Variants in GPC5 observed in about 807,000 individuals in gnomAD.
GPC5 encodes the protein glypican 5, also known as glypican-5.
A neutral mutation model predicts 53.9 loss-of-function variants in GPC5; 47 were observed. That is an observed-to-expected ratio of 0.87 (90% confidence interval 0.69 to 1.11). The LOEUF (loss-of-function observed/expected upper bound fraction) is 1.11, where lower values mean the gene tolerates loss of function less well. Ranked by LOEUF, GPC5 falls within the 50% of genes most tolerant of loss-of-function variation. The pLI, the probability that GPC5 is intolerant of heterozygous loss-of-function variation, is 0.00. For synonymous variants in GPC5, 286 were observed against 263.3 expected (o/e 1.09, Z -0.84); for missense variants, 748 against 713.1 (o/e 1.05, Z -0.56).
intron 7 of GPC5, among the ~76,000 whole-genome samples, chr13:92,823,185 C>T (rs1278933036): frequency 6.6e-6 from 1 of 152,014 alleles, no homozygotes; most frequent in Non-Finnish European, 1.5e-5. Flanking sequence ...TAAAATATTC[C>T]TATAAAAACA....
chr13:92,818,280 C>CATTACAGG (rs1160326987), intron 7 of GPC5, among the ~76,000 whole-genome samples: 2 of 151,966 alleles, frequency 1.3e-5, no homozygotes, highest in East Asian at 3.9e-4. Context: ...AAAGTGCTGG[C>CATTACAGG]ATTACAGGCG....
intron 7 of GPC5, among the ~76,000 whole-genome samples, chr13:92,526,226 A>T (rs1434260830): frequency 1.3e-5 from 2 of 152,142 alleles, no homozygotes; most frequent in Non-Finnish European, 2.9e-5. Context: ...TATTGCAAGA[A>T]AGTGGAAGGT....
intron 2 of GPC5, among the ~76,000 whole-genome samples, chr13:91,457,725 A>G (rs910311810): frequency 2.0e-5 from 3 of 152,156 alleles, no homozygotes; most frequent in African/African-American, 7.2e-5. Flanking sequence ...TGTATCTATG[A>G]TGGTGTGACT....
chr13:91,583,432 C>T (rs191601396), intron 2 of GPC5, among the ~76,000 whole-genome samples: 39 of 152,002 alleles, frequency 2.6e-4, no homozygotes, highest in Non-Finnish European at 1.8e-4. Context: ...ATGCCAAGAC[C>T]GAAATATACC....
intron 7 of GPC5, among the ~76,000 whole-genome samples, chr13:92,288,604 G>C (rs569233632): frequency 6.6e-6 from 1 of 152,236 alleles, no homozygotes; most frequent in South Asian, 2.1e-4. Context: ...GACAATACCA[G>C]TGTTTGACTT....
At chr13:91,996,714 C>T (rs1222288890) in intron 6 of GPC5, among the ~76,000 whole-genome samples, 1 of 152,158 alleles carries the variant, frequency 6.6e-6, no homozygotes, top group Non-Finnish European at 1.5e-5. Context: ...TCTGCTCTTA[C>T]TTCTAACACT....
intron 7 of GPC5, among the ~76,000 whole-genome samples, chr13:92,291,818 C>G (rs1350516769): frequency 6.6e-6 from 1 of 152,186 alleles, no homozygotes; most frequent in Non-Finnish European, 1.5e-5. Context: ...GAGGAACGAA[C>G]AACTCCAGAC....
At chr13:91,619,445 C>A (rs2139355271) in intron 2 of GPC5, among the ~76,000 whole-genome samples, 1 of 152,198 alleles carries the variant, frequency 6.6e-6, no homozygotes, top group East Asian at 1.9e-4. Flanking sequence ...CTGTATTCAA[C>A]TCTATGCACA....
At chr13:91,956,602 C>A (rs189623494) in intron 6 of GPC5, among the ~76,000 whole-genome samples, 1 of 152,272 alleles carries the variant, frequency 6.6e-6, no homozygotes, top group Non-Finnish European at 1.5e-5. Flanking sequence ...GTTTCCACCA[C>A]TGGGGCCTGG....
intron 7 of GPC5, among the ~76,000 whole-genome samples, chr13:92,624,003 T>C (rs1461604458): frequency 2.0e-5 from 3 of 150,442 alleles, no homozygotes; most frequent in African/African-American, 7.3e-5. Context: ...TACAGGTGCC[T>C]ACCACCATGC....
At chr13:91,649,686 G>A (rs1349101728) in intron 2 of GPC5, among the ~76,000 whole-genome samples, 1 of 152,030 alleles carries the variant, frequency 6.6e-6, no homozygotes, top group Non-Finnish European at 1.5e-5. Flanking sequence ...CAGTCCCAGG[G>A]GCCTTTTGTT....
chr13:91,556,607 A>C (rs1342279140), intron 2 of GPC5, among the ~76,000 whole-genome samples: 1 of 151,740 alleles, frequency 6.6e-6, no homozygotes, highest in East Asian at 1.9e-4. Flanking sequence ...ATATACACAC[A>C]CATATATACA....
Position 91,502,907 on chromosome 13 carries a change from A to G in GPC5, c.325+53985A>G, listed in dbSNP as rs541637687. Among the ~76,000 whole-genome samples, 6 of 152,346 alleles carry G rather than the reference A, an allele frequency of 3.9e-5. No individual in the cohort carries two copies. The South Asian group carries it at 8.3e-4, about 21-fold the overall frequency. On this transcript the variant is annotated intron_variant, in intron 2 of 7. Coordinates refer to ENST00000377067, the MANE Select transcript of GPC5 (RefSeq NM_004466.6). ...CCTTGGTACTGTGACTCCAAGGCTC[A>G]TATACTTATGCTCTCAGATCTGGTG...
chr13:92,266,228 C>T (rs907458966), intron 7 of GPC5, among the ~76,000 whole-genome samples: 4 of 151,954 alleles, frequency 2.6e-5, no homozygotes, highest in Admixed American at 6.6e-5. Context: ...TGTTTTTAGC[C>T]GTTTGATTCT....
chr13:91,888,846 C>T (rs2039354677), intron 5 of GPC5, among the ~76,000 whole-genome samples: 1 of 151,920 alleles, frequency 6.6e-6, no homozygotes, highest in Admixed American at 6.6e-5. Flanking sequence ...CAATATTCCT[C>T]AAACTTATTA....
chr13:92,044,138 C>T (rs1194180214), intron 6 of GPC5, among the ~76,000 whole-genome samples: 2 of 152,164 alleles, frequency 1.3e-5, no homozygotes, highest in African/African-American at 2.4e-5. Flanking sequence ...CCCTGTACAA[C>T]GTTTCCTGTA....
chr13:91,516,442 A>G (rs1490055649), intron 2 of GPC5, among the ~76,000 whole-genome samples: 1 of 152,200 alleles, frequency 6.6e-6, no homozygotes, highest in East Asian at 1.9e-4. Context: ...CTTTGACTCA[A>G]GTTCTCACAT....
intron 7 of GPC5, among the ~76,000 whole-genome samples, chr13:92,324,875 T>G (rs1321622246): frequency 1.3e-5 from 2 of 151,796 alleles, no homozygotes; most frequent in African/African-American, 4.8e-5. Context: ...AGTTTTAGAG[T>G]CATTCTTGAA....
chr13:91,748,306 T>A (rs113670533), intron 4 of GPC5, among the ~76,000 whole-genome samples: 3 of 152,194 alleles, frequency 2.0e-5, no homozygotes, highest in Non-Finnish European at 1.5e-5. Flanking sequence ...TCTGGCTCAG[T>A]TGTTGTCCTA....
Sources: gnomAD v4.1 joint callset for allele counts (sites outside exome capture counted in the v4.1 genomes callset) on GRCh38, gnomAD v4.1.1 for gene constraint, MANE v1.5 for transcripts, NCBI Gene and HGNC (gene_info 2026-07-23, HGNC 2026-07-21) for gene names.